The following PRMT8 variants were observed in gnomAD, a reference collection of about 807,000 sequenced individuals.
PRMT8 encodes protein arginine methyltransferase 8, also known as protein arginine N-methyltransferase 8.
Under a neutral mutation model 47.1 loss-of-function variants are expected in PRMT8, and 7 were observed. The observed-to-expected ratio is 0.15, with a 90% CI of 0.08 to 0.28. The LOEUF is 0.28. PRMT8 is among the 10% of genes least tolerant of loss of function. The probability of loss-of-function intolerance (pLI) is 1.00; values close to 1 mark genes in which losing one functional copy is unlikely to be tolerated. For missense variants in PRMT8, 237 were observed against 505.4 expected (o/e 0.47, Z 5.09); for synonymous variants, 188 against 186.5 (o/e 1.01, Z -0.07).
intron 1 of PRMT8, among the ~76,000 whole-genome samples, chr12:3,473,197 C>T (rs1161126623): frequency 6.6e-6 from 1 of 152,188 alleles, no homozygotes; most frequent in Non-Finnish European, 1.5e-5. Flanking sequence ...TCTCATCCCT[C>T]ACAATCTGAC....
At chr12:3,571,644 A>C (rs542977666) in intron 6 of PRMT8, among the ~76,000 whole-genome samples, 6 of 152,206 alleles carry the variant, frequency 3.9e-5, no homozygotes, top group Non-Finnish European at 8.8e-5. Context: ...TCTGAAAGTT[A>C]GCACCATGTT....
At chr12:3,555,060 C>G (rs879790606) in intron 4 of PRMT8, among the ~76,000 whole-genome samples, 3 of 152,236 alleles carry the variant, frequency 2.0e-5, no homozygotes, top group Non-Finnish European at 4.4e-5. Context: ...AGGGCAGGAG[C>G]ATTACTGACT....
At chr12:3,397,781 C>T (rs553930233) in intron 1 of PRMT8, among the ~76,000 whole-genome samples, 198 of 151,812 alleles carry the variant, frequency 1.3e-3, no homozygotes, top group South Asian at 8.6e-3. Context: ...TCAGCAAGCC[C>T]GGGCAATGGC....
chr12:3,453,129 A>AG lies in PRMT8; in HGVS notation c.48+71691dup, dbSNP rs1231584470. Among the ~76,000 whole-genome samples the AG allele has an allele frequency of 1.3e-5, 2 of 151,976 alleles. No individual in the cohort carries two copies. The highest frequency in any genetic ancestry group is 4.8e-5 in the African/African-American group (2 of 41,354). On this transcript the variant is annotated intron_variant, in intron 1 of 9. Coordinates refer to the PRMT8 transcript ENST00000452611. The surrounding 1 kb of genome is among the most constrained non-coding windows in gnomAD (Gnocchi z 4.9). ...GGGAATCAGGTAGGCTGGAGAGGAG[A>AG]GGGGTCAGTCCGGGAGACCGTCCTG...
intron 1 of PRMT8, among the ~76,000 whole-genome samples, chr12:3,389,514 T>G (rs1394630580): frequency 6.6e-6 from 1 of 152,242 alleles, no homozygotes; most frequent in Admixed American, 6.5e-5. Context: ...TAGCATTTGT[T>G]GTCCTCCTAC....
rs539401449 is a variant in PRMT8 at position 3,528,124 on chromosome 12, G to T, written c.76-12482G>T. ...GTAGAGCAATTTGATTATGTACCTT[G>T]GTATAGTTTTTTTACTCCCTCACGA... On this transcript the variant is annotated intron_variant, in intron 1 of 9. Coordinates refer to ENST00000382622, the MANE Select transcript of PRMT8 (RefSeq NM_019854.5). 4.0e-5 allele frequency among the ~76,000 whole-genome samples: 6 copies of T among 151,882 alleles called. No homozygotes were observed. The East Asian group carries it at 9.6e-4, about 24-fold the overall frequency.
chr12:3,396,890 T>A (rs1864255284), intron 1 of PRMT8, among the ~76,000 whole-genome samples: 1 of 151,628 alleles, frequency 6.6e-6, no homozygotes, highest in Non-Finnish European at 1.5e-5. Context: ...AGTCCCATAT[T>A]TCTTGGAGGC....
At chr12:3,459,680 A>G (rs4766127) in intron 1 of PRMT8, among the ~76,000 whole-genome samples, 108,468 of 152,022 alleles carry the variant, frequency 0.71, 38,916 homozygotes, top group Middle Eastern at 0.76. Flanking sequence ...GGGGCCCAGG[A>G]GAGAGTTGAA....
In PRMT8 at chr12:3,491,606, C is replaced by A. The variant is rs774772339; in HGVS notation, c.-20C>A. On this transcript the variant is annotated 5_prime_UTR_variant, in exon 1 of 10. Transcript: ENST00000382622. ...CTCCTCCTCTACTATCTCGGTATCA[C>A]CAAACCCTTGCCGGCTCTTATGGGC... The A allele has an allele frequency of 1.1e-5, 18 of 1,611,324 alleles. No individual in the cohort carries two copies. Among genetic ancestry groups the A allele is most frequent in the Admixed American group, 1.7e-5 (1 of 59,774 alleles).
chr12:3,480,079 C>G (rs530910943), intron 1 of PRMT8, among the ~76,000 whole-genome samples: 15 of 152,260 alleles, frequency 9.9e-5, no homozygotes, highest in South Asian at 8.3e-4. Context: ...ATGGACAAAC[C>G]CTGATGGGCA....
chr12:3,438,369 G>A (rs1864766817), intron 1 of PRMT8, among the ~76,000 whole-genome samples: 1 of 152,246 alleles, frequency 6.6e-6, no homozygotes, highest in South Asian at 2.1e-4. Context: ...GCCACTGGCA[G>A]TTCTCCTTAG....
In PRMT8 at chr12:3,535,985, G is replaced by C. The variant is rs1866110957; in HGVS notation, c.76-4621G>C. On this transcript the variant is annotated intron_variant, in intron 1 of 9. Coordinates refer to ENST00000382622, the MANE Select transcript of PRMT8 (RefSeq NM_019854.5). This position sits in a 1 kb window ranked among gnomAD's most constrained non-coding sequence, Gnocchi z 4.7. ...TGTCATCCCCCAAGACCTATCCCCT[G>C]TGCTCCTCAAGTCTCAAGAGCCTTC... 6.6e-6 allele frequency among the ~76,000 whole-genome samples: 1 copy of C among 152,158 alleles called. No individual in the cohort carries two copies. Among genetic ancestry groups the C allele is most frequent in the African/African-American group, 2.4e-5 (1 of 41,428 alleles).
chr12:3,449,883 C>G lies in PRMT8; in HGVS notation c.48+68441C>G, dbSNP rs75385391. On this transcript the variant is annotated intron_variant, in intron 1 of 9. Coordinates refer to the PRMT8 transcript ENST00000452611. ...TGGGTTTTACATTTAAGTGTTTAAT[C>G]CATCTTGAGTTAATTGTTGTATAAG... is the stretch of plus-strand genomic sequence containing the variant. Among the ~76,000 whole-genome samples the G allele has an allele frequency of 5.3e-3, 814 of 152,244 alleles. 7 individuals carry two copies. Among genetic ancestry groups the G allele is most frequent in the African/African-American group, 0.018 (755 of 41,546 alleles).
At chr12:3,536,662 C>A (rs1866123640) in intron 1 of PRMT8, among the ~76,000 whole-genome samples, 1 of 152,148 alleles carries the variant, frequency 6.6e-6, no homozygotes, top group African/African-American at 2.4e-5. Context: ...TGAGCAGGGT[C>A]CTCCCTGGTG....
intron 1 of PRMT8, among the ~76,000 whole-genome samples, chr12:3,454,824 C>T (rs1326541989): frequency 6.6e-6 from 1 of 152,144 alleles, no homozygotes; most frequent in East Asian, 1.9e-4. Flanking sequence ...TTATAGTCAC[C>T]CTAAGGGTCC....
chr12:3,421,221 G>A (rs1188108900), intron 1 of PRMT8, among the ~76,000 whole-genome samples: 2 of 152,140 alleles, frequency 1.3e-5, no homozygotes, highest in African/African-American at 2.4e-5. Flanking sequence ...TTTCTGTGCC[G>A]TGCCTGTCGG....
intron 1 of PRMT8, among the ~76,000 whole-genome samples, chr12:3,411,491 A>G (rs1329027136): frequency 1.3e-5 from 2 of 152,204 alleles, no homozygotes; most frequent in African/African-American, 2.4e-5. Context: ...ACTTTCAACA[A>G]TACAAAATTC....
rs891121838 is a variant in PRMT8, at chr12:3,583,874, C to T, written c.979+666C>T. Among the ~76,000 whole-genome samples the T allele has an allele frequency of 1.3e-5, 2 of 152,232 alleles. No individual in the cohort carries two copies. The highest frequency in any genetic ancestry group is 4.8e-5 in the African/African-American group (2 of 41,466). On this transcript the variant is annotated intron_variant, in intron 8 of 9. Transcript: ENST00000382622. This position sits in a 1 kb window ranked among gnomAD's most constrained non-coding sequence, Gnocchi z 4.7. Reference sequence around the variant, plus strand: ...GAGCCCTGTCCCGTCGCTGCTACCCCACAGGTGGCCCAGCTACACCGAGCT... The same window carrying T: ...GAGCCCTGTCCCGTCGCTGCTACCCTACAGGTGGCCCAGCTACACCGAGCT...
chr12:3,437,629 T>C (rs1283508909), intron 1 of PRMT8, among the ~76,000 whole-genome samples: 1 of 15,458 alleles, frequency 6.5e-5, no homozygotes, highest in Non-Finnish European at 4.0e-4. Flanking sequence ...AGGCTATATA[T>C]ATATATATAT....
Sources: gnomAD v4.1 joint callset for allele counts (sites outside exome capture counted in the v4.1 genomes callset) on GRCh38, gnomAD v4.1.1 for gene constraint, Gnocchi (gnomAD v3.1) non-coding constraint, MANE v1.5 for transcripts, NCBI Gene and HGNC (gene_info 2026-07-23, HGNC 2026-07-21) for gene names.